Variants in SF3B3 observed in about 807,000 individuals in gnomAD.
SF3B3 encodes the protein splicing factor 3b subunit 3, also known as SAP 130.
Under a neutral mutation model 139.2 loss-of-function variants are expected in SF3B3, and 33 were observed. The ratio of observed to expected loss-of-function variants is 0.24; its 90% CI spans 0.18 to 0.32. SF3B3 has a LOEUF of 0.32. SF3B3 is among the 10% of genes least tolerant of loss of function. The pLI, the probability that SF3B3 is intolerant of heterozygous loss-of-function variation, is 1.00. For missense variants in SF3B3, 818 were observed against 1,509.4 expected (o/e 0.54, Z 7.59); for synonymous variants, 596 against 563.6 (o/e 1.06, Z -0.81).
intron 6 of SF3B3, among the ~76,000 whole-genome samples, chr16:70,535,810 C>T (rs563367173): frequency 6.6e-6 from 1 of 150,534 alleles, no homozygotes; most frequent in Admixed American, 6.6e-5. Context: ...AGTTTAAAAA[C>T]AATGAACAAT....
At chr16:70,567,684 T>A in intron 21 of SF3B3, 148 bp downstream of exon 21, 1 of 1,043,938 alleles carries the variant, frequency 9.6e-7, no homozygotes. Context: ...ATGCCCTTGT[T>A]TTTTTGTTTT....
chr16:70,571,140 C>G lies in SF3B3; in HGVS notation c.3454C>G (p.His1152Asp). 1 of 1,614,112 alleles carries G rather than the reference C, an allele frequency of 6.2e-7. No individual in the cohort carries two copies. The highest frequency in any genetic ancestry group is 1.1e-5 in the South Asian group (1 of 91,064). The change falls in exon 25 of 26, where the codon CAT becomes GAT. Residue 1152 changes from histidine to aspartate, a missense_variant. Physicochemically the swap from His to Asp is moderately conservative, Grantham distance 81. Transcript: ENST00000302516. The stretch of plus-strand genomic sequence containing the variant: ...TGTGGAAATGCACCTGCGGTCTGAA[C>G]ATCCCCCTCTCTGTGGGCGGGACCA... ...QHVEMHLRSE[H>D]PPLCGRDHLS...
intron 9 of SF3B3, among the ~76,000 whole-genome samples, chr16:70,543,150 G>A (rs2050235450): frequency 6.6e-6 from 1 of 151,906 alleles, no homozygotes; most frequent in Non-Finnish European, 1.5e-5. Context: ...GCTCATGCTT[G>A]TAATCCCAGC....
At chr16:70,536,175 C>CT (rs377650430) in intron 6 of SF3B3, among the ~76,000 whole-genome samples, 4,710 of 146,480 alleles carry the variant, frequency 0.032, 270 homozygotes, top group African/African-American at 0.11. Context: ...ACCTTTTTTT[C>CT]TTTTTTTTTT....
Position 70,572,200 on chromosome 16 carries a change from G to C in SF3B3, c.*387G>C. The C allele has an allele frequency of 2.2e-6, 1 of 454,510 alleles. No homozygotes were observed. The highest frequency in any genetic ancestry group is 4.4e-6 in the Non-Finnish European group (1 of 226,416). The allele number at this position is 454,510 out of a possible 1,614,324, so 28.2% of individuals were successfully genotyped here. A position where few individuals can be genotyped will look rare whatever the true frequency, so the allele number is the denominator to read the frequency against. ...TACAATGTTATCTCTGTGGGAGGAA[G>C]GAGGCAGGCTGTGGTGGGACTGGGT... On this transcript the variant is annotated 3_prime_UTR_variant, in exon 26 of 26. Coordinates refer to ENST00000302516, the MANE Select transcript of SF3B3 (RefSeq NM_012426.5).
In SF3B3 at chr16:70,576,377, A is replaced by G. The variant is rs540997265; in HGVS notation, c.*4564A>G. The G allele has an allele frequency of 7.8e-6, 1 of 127,680 alleles. No homozygotes were observed. The highest frequency in any genetic ancestry group is 3.1e-5 in the African/African-American group (1 of 32,366). The allele number at this position is 127,680 out of a possible 1,614,324, so 7.9% of individuals were successfully genotyped here. A position where few individuals can be genotyped will look rare whatever the true frequency, so the allele number is the denominator to read the frequency against. ...AGCCCCCTTCAGTTTCCCACCTCTCACTCTGCCTTCCAGAGCCTAGTCAAG... is the reference window on the plus strand; with the variant it reads ...AGCCCCCTTCAGTTTCCCACCTCTCGCTCTGCCTTCCAGAGCCTAGTCAAG... On this transcript the variant is annotated 3_prime_UTR_variant, in exon 26 of 26. Transcript: ENST00000302516.
At position 70,572,094 on chromosome 16, in the gene SF3B3, G is replaced by C; in HGVS notation, c.*281G>C. ...TCCCCCATTCCCCAAAGCCATCCCT[G>C]CATTGATATGTCTTGACTCTCCTGT... On this transcript the variant is annotated 3_prime_UTR_variant, in exon 26 of 26. Coordinates refer to ENST00000302516, the MANE Select transcript of SF3B3 (RefSeq NM_012426.5). 1.7e-6 allele frequency: 1 copy of C among 596,160 alleles called. No individual in the cohort carries two copies. The highest frequency in any genetic ancestry group is 3.2e-6 in the Non-Finnish European group (1 of 317,222). 36.9% of individuals were successfully genotyped at this position (596,160 alleles called of 1,614,324 possible).
At chr16:70,564,151 G>C in intron 18 of SF3B3, 101 bp downstream of exon 18, 2 of 1,224,096 alleles carry the variant, frequency 1.6e-6, no homozygotes, top group Non-Finnish European at 2.3e-6. Context: ...TGGGAGGATT[G>C]CTTGAGGCCA....
At chr16:70,550,616 C>T (rs1419201706) in intron 11 of SF3B3, 1 of 982,856 alleles carries the variant, frequency 1.0e-6, no homozygotes, top group Non-Finnish European at 1.2e-6. Context: ...GTGATGCACA[C>T]TACCAATACC....
chr16:70,532,653 T>G (rs979503309), intron 5 of SF3B3, 33 bp downstream of exon 5: 2 of 1,609,306 alleles, frequency 1.2e-6, no homozygotes, highest in Non-Finnish European at 1.7e-6. Flanking sequence ...TTGTACCCTT[T>G]TACTTGGTTC....
chr16:70,548,322 C>T (rs1222843722), intron 10 of SF3B3, 48 bp from the exon 11 acceptor site: 1 of 1,462,398 alleles, frequency 6.8e-7, no homozygotes, highest in African/African-American at 1.4e-5. Context: ...AAGCAGGTAG[C>T]TGAGTTGCAT....
chr16:70,573,984 A>C lies in SF3B3; in HGVS notation c.*2171A>C, dbSNP rs199527558. The C allele has an allele frequency of 6.6e-5, 10 of 152,210 alleles. No individual in the cohort carries two copies. In the East Asian group the frequency reaches 1.9e-3, roughly 29 times the overall value. 9.4% of individuals were successfully genotyped at this position (152,210 alleles called of 1,614,324 possible). On this transcript the variant is annotated 3_prime_UTR_variant, in exon 26 of 26. Transcript: ENST00000302516. ...AGTTGGAATGTTGCTTTTCTTGGTT[A>C]GTGTAAATGTATTGCTAGTGAGACA...
intron 11 of SF3B3, among the ~76,000 whole-genome samples, chr16:70,549,908 G>A (rs1201177945): frequency 1.3e-5 from 2 of 152,204 alleles, no homozygotes; most frequent in Admixed American, 6.5e-5. Flanking sequence ...CTGGGTGACA[G>A]AGCGAGACTC....
chr16:70,540,903 A>C (rs2050213842), intron 8 of SF3B3, among the ~76,000 whole-genome samples: 1 of 152,194 alleles, frequency 6.6e-6, no homozygotes, highest in African/African-American at 2.4e-5. Flanking sequence ...ATGCTGTGGT[A>C]GATGTTGCTG....
chr16:70,558,621 G>C (rs2050399989), intron 15 of SF3B3, among the ~76,000 whole-genome samples: 2 of 152,082 alleles, frequency 1.3e-5, no homozygotes, highest in African/African-American at 4.8e-5. Context: ...CCTTGACACA[G>C]AGTCTTGCTC....
Position 70,556,998 on chromosome 16 carries a change from T to C in SF3B3, c.1979T>C (p.Ile660Thr), listed in dbSNP as rs748891043. The change falls in exon 15 of 26, where the codon ATT (isoleucine) becomes ACT (threonine). Residue 660 changes from isoleucine to threonine, a missense_variant. Ile to Thr is a moderately conservative substitution (Grantham distance 89). Transcript: ENST00000302516. ...GATGAGCTGGGTGAGAGGGGCTCGA[T>C]TGGCTTCCTATACCTGAATATTGGG... ...KQDELGERGS[I>T]GFLYLNIGLQ... The C allele has an allele frequency of 1.2e-5, 19 of 1,613,586 alleles. No homozygotes were observed. The highest frequency in any genetic ancestry group is 1.7e-4 in the Middle Eastern group (1 of 6,060).
chr16:70,542,175 T>G (rs1482239313), intron 9 of SF3B3, among the ~76,000 whole-genome samples: 1 of 152,132 alleles, frequency 6.6e-6, no homozygotes, highest in African/African-American at 2.4e-5. Context: ...TTCTTGTGAC[T>G]GCTTCTAGGT....
intron 20 of SF3B3, among the ~76,000 whole-genome samples, chr16:70,566,331 G>A (rs1160879653): frequency 2.0e-5 from 3 of 152,214 alleles, no homozygotes; most frequent in African/African-American, 7.2e-5. Flanking sequence ...GGAAGGCCGA[G>A]GTGGGCGGGT....
At chr16:70,567,559 T>C in intron 21 of SF3B3, 23 bp downstream of exon 21, 1 of 1,609,382 alleles carries the variant, frequency 6.2e-7, no homozygotes, top group Non-Finnish European at 8.5e-7. Flanking sequence ...GCATTGGTGC[T>C]GAGATCTAGC....
Sources: allele counts gnomAD v4.1 joint callset (sites outside exome capture counted in the v4.1 genomes callset), GRCh38; gene constraint gnomAD v4.1.1; transcripts MANE v1.5; gene names NCBI Gene and HGNC (gene_info 2026-07-23, HGNC 2026-07-21).